The following GALNT13 variants were observed in gnomAD, a reference collection of about 807,000 sequenced individuals.
GALNT13 encodes the protein UDP-GalNAc:polypeptide N-acetylgalactosaminyltransferase 13.
A neutral mutation model predicts 64.2 loss-of-function variants in GALNT13; 28 were observed. That is an observed-to-expected ratio of 0.44 (90% CI 0.32 to 0.60). The LOEUF (loss-of-function observed/expected upper bound fraction) is 0.60. Ranked by LOEUF, GALNT13 falls within the 20% of genes least tolerant of loss-of-function variation. GALNT13 has a pLI of 0.05. For missense variants in GALNT13, 577 were observed against 669.8 expected (o/e 0.86, Z 1.53); for synonymous variants, 214 against 224.6 (o/e 0.95, Z 0.42).
the GALNT13 span, among the ~76,000 whole-genome samples, chr2:153,460,035 TTAAAA>T: frequency 6.6e-6 from 1 of 152,154 alleles, no homozygotes; most frequent in Non-Finnish European, 1.5e-5. Flanking sequence ...GATTTTTAAA[TTAAAA>T]TAAATGCATT....
chr2:153,772,709 C>T, the GALNT13 span, among the ~76,000 whole-genome samples: 2 of 152,156 alleles, frequency 1.3e-5, no homozygotes, highest in African/African-American at 4.8e-5. Flanking sequence ...CTCCTGATCC[C>T]TTATAGTCTT....
chr2:153,789,564 C>CT, the GALNT13 span, among the ~76,000 whole-genome samples: 19 of 152,092 alleles, frequency 1.2e-4, no homozygotes, highest in African/African-American at 4.6e-4. Context: ...AACTCCAAAG[C>CT]TAACAGAAGA....
chr2:153,485,288 ATTC>A, the GALNT13 span, among the ~76,000 whole-genome samples: 3 of 152,160 alleles, frequency 2.0e-5, no homozygotes, highest in African/African-American at 4.8e-5. Context: ...ATTAGGCTGT[ATTC>A]TTCTTGGATA....
intron 9 of GALNT13, among the ~76,000 whole-genome samples, chr2:154,346,419 G>T (rs999037104): frequency 6.6e-6 from 1 of 151,884 alleles, no homozygotes; most frequent in African/African-American, 2.4e-5. Flanking sequence ...CTTGAATTGT[G>T]GCTCCCATAA....
At chr2:154,351,925 G>T (rs1007688409) in intron 9 of GALNT13, among the ~76,000 whole-genome samples, 1 of 151,606 alleles carries the variant, frequency 6.6e-6, no homozygotes, top group Non-Finnish European at 1.5e-5. Flanking sequence ...TTCTCCACAG[G>T]GTTCATTTTT....
Position 154,140,510 on chromosome 2 carries a change from G to T in GALNT13, c.311+5G>T. The T allele has an allele frequency of 6.3e-7, 1 of 1,581,230 alleles. No homozygotes were observed. Among genetic ancestry groups the T allele is most frequent in the Non-Finnish European group, 8.7e-7 (1 of 1,155,674 alleles). On this transcript the variant is annotated splice_donor_5th_base_variant and intron_variant, in intron 4 of 12. Transcript: ENST00000392825. Reference sequence around the variant, plus strand: ...GCCAGATGTAAGATTAGAAGGGTAAGTTTGCATTTGTTATATAATCTTTTA... The same window carrying T: ...GCCAGATGTAAGATTAGAAGGGTAATTTTGCATTTGTTATATAATCTTTTA...
chr2:153,459,481 C>CCAAA, the GALNT13 span, among the ~76,000 whole-genome samples: 1 of 151,996 alleles, frequency 6.6e-6, no homozygotes, highest in African/African-American at 2.4e-5. Context: ...AACCAACCAA[C>CCAAA]CAAACAAACA....
At chr2:154,049,518 T>C (rs1332117204) in intron 3 of GALNT13, among the ~76,000 whole-genome samples, 1 of 91,702 alleles carries the variant, frequency 1.1e-5, no homozygotes, top group Non-Finnish European at 3.1e-5. Flanking sequence ...TTAAATATTA[T>C]ATATATATAT....
At chr2:153,870,786 A>G (rs534266134), upstream of GALNT13, among the ~76,000 whole-genome samples, 43 of 151,372 alleles carry the variant, frequency 2.8e-4, no homozygotes, top group Non-Finnish European at 6.0e-4. Flanking sequence ...TGGCTGTTTA[A>G]TATTTTTATG....
At chr2:153,579,237 G>A in the GALNT13 span, among the ~76,000 whole-genome samples, 74 of 152,038 alleles carry the variant, frequency 4.9e-4, no homozygotes, top group African/African-American at 1.7e-3. Context: ...TCAAAGGGTT[G>A]CCCAGGAGTC....
rs1699367966 is a variant in GALNT13, at chr2:154,403,049, C to A, written c.1297-5935C>A. On this transcript the variant is annotated intron_variant, in intron 10 of 12. Coordinates refer to ENST00000392825, the MANE Select transcript of GALNT13 (RefSeq NM_052917.4). ...ATTTTGAAGACAATATAGCAGATGCCTACAGGGTTGGGCTCGCTCACTCGG... is the reference window on the plus strand; with the variant it reads ...ATTTTGAAGACAATATAGCAGATGCATACAGGGTTGGGCTCGCTCACTCGG... Among the ~76,000 whole-genome samples, 3 of 152,162 alleles carry A rather than the reference C, an allele frequency of 2.0e-5. No homozygotes were observed. The South Asian group carries it at 6.2e-4, about 32-fold the overall frequency.
intron 3 of GALNT13, among the ~76,000 whole-genome samples, chr2:153,959,417 C>G (rs940694403): frequency 3.9e-5 from 6 of 152,062 alleles, no homozygotes; most frequent in African/African-American, 1.4e-4. Flanking sequence ...ATTAACAGAA[C>G]GTTTAAAGCA....
the GALNT13 span, among the ~76,000 whole-genome samples, chr2:153,622,356 C>T: frequency 5.9e-4 from 89 of 152,084 alleles, no homozygotes; most frequent in African/African-American, 1.9e-3. Context: ...AACTACGAGG[C>T]AAGAATAAGG....
chr2:153,333,338 G>A, the GALNT13 span, among the ~76,000 whole-genome samples: 1 of 152,192 alleles, frequency 6.6e-6, no homozygotes, highest in African/African-American at 2.4e-5. Context: ...GTGAGTCACG[G>A]AGGGAGGTGC....
At chr2:153,802,121 T>G in the GALNT13 span, among the ~76,000 whole-genome samples, 3 of 152,196 alleles carry the variant, frequency 2.0e-5, no homozygotes, top group African/African-American at 7.2e-5. Flanking sequence ...TTGGTAACAA[T>G]TTTCATGATA....
chr2:153,458,217 C>G, the GALNT13 span, among the ~76,000 whole-genome samples: 1 of 151,756 alleles, frequency 6.6e-6, no homozygotes, highest in Admixed American at 6.6e-5. Context: ...CTCTCAAATC[C>G]TTGCTTTAAA....
chr2:154,002,695 C>T (rs1404511589), intron 3 of GALNT13, among the ~76,000 whole-genome samples: 2 of 152,052 alleles, frequency 1.3e-5, no homozygotes, highest in African/African-American at 2.4e-5. Flanking sequence ...GTCATGTTTT[C>T]CTGATTTTCC....
intron 11 of GALNT13, among the ~76,000 whole-genome samples, chr2:154,412,971 G>T (rs531434499): frequency 6.6e-6 from 1 of 151,924 alleles, no homozygotes; most frequent in South Asian, 2.1e-4. Context: ...TGATTAACTT[G>T]AATATAAACT....
chr2:154,291,256 ACTT>A (rs1213905395), intron 8 of GALNT13, among the ~76,000 whole-genome samples: 1 of 151,934 alleles, frequency 6.6e-6, no homozygotes, highest in African/African-American at 2.4e-5. Context: ...CATTTACAAT[ACTT>A]TAGCTAGACA....
Sources: allele counts gnomAD v4.1 joint callset (sites outside exome capture counted in the v4.1 genomes callset), GRCh38; gene constraint gnomAD v4.1.1; transcripts MANE v1.5; gene names NCBI Gene and HGNC (gene_info 2026-07-23, HGNC 2026-07-21).